The following DMD variants were observed in gnomAD, a reference collection of about 807,000 sequenced individuals.
DMD encodes the protein dystrophin.
Under a neutral mutation model 330.1 loss-of-function variants are expected in DMD, and 63 were observed. The observed-to-expected ratio is 0.19, with a 90% CI of 0.16 to 0.24. The LOEUF is 0.24. Among genes scored for constraint, DMD ranks in the 10% least tolerant of loss-of-function variants. The probability of loss-of-function intolerance (pLI) is 1.00; values close to 1 mark genes in which losing one functional copy is unlikely to be tolerated. For synonymous variants in DMD, 1,223 were observed against 959.8 expected (o/e 1.27, Z -5.07); for missense variants, 3,344 against 2,684.1 (o/e 1.25, Z -5.43).
intron 44 of DMD, among the ~76,000 whole-genome samples, chrX:32,199,912 C>T (rs748299113): frequency 9.2e-6 from 1 of 109,184 alleles, no homozygotes; most frequent in East Asian, 2.9e-4. Flanking sequence ...CCCCAGCTTC[C>T]CAAAGTGCTG....
At chrX:32,787,274 AAGAG>A (rs1445717948) in intron 7 of DMD, among the ~76,000 whole-genome samples, 1 of 87,973 alleles carries the variant, frequency 1.1e-5, no homozygotes, top group Non-Finnish European at 2.3e-5. Context: ...GAGAGAGAGA[AAGAG>A]AGAGAGAACC....
At chrX:32,475,862 C>A (rs1389659641) in intron 21 of DMD, among the ~76,000 whole-genome samples, 1 of 110,565 alleles carries the variant, frequency 9.0e-6, no homozygotes, top group Non-Finnish European at 1.9e-5. Context: ...ATTTGGATGC[C>A]CTTTATTTCT....
At chrX:32,220,645 A>T (rs957134725) in intron 43 of DMD, among the ~76,000 whole-genome samples, 1 of 110,932 alleles carries the variant, frequency 9.0e-6, no homozygotes, top group Admixed American at 9.7e-5. Flanking sequence ...AAATGAAAAA[A>T]ATATATATAT....
chrX:32,558,850 G>A (rs973369287), intron 16 of DMD, among the ~76,000 whole-genome samples: 2 of 109,257 alleles, frequency 1.8e-5, no homozygotes, highest in African/African-American at 3.3e-5. Flanking sequence ...TGATATACAA[G>A]GCCCATTCTC....
At chrX:32,563,381 A>T (rs1039962231) in intron 16 of DMD, among the ~76,000 whole-genome samples, 2 of 108,239 alleles carry the variant, frequency 1.8e-5, no homozygotes, top group Non-Finnish European at 3.8e-5. Context: ...AGAGAACCAC[A>T]AAAAGCCCTC....
intron 1 of DMD, among the ~76,000 whole-genome samples, chrX:33,277,378 A>G (rs908550318): frequency 4.5e-5 from 5 of 111,401 alleles, no homozygotes; most frequent in African/African-American, 1.6e-4. Flanking sequence ...AATGTACGAA[A>G]TGCTATTGAA....
At chrX:32,315,366 C>A (rs765778733) in intron 41 of DMD, among the ~76,000 whole-genome samples, 1 of 108,071 alleles carries the variant, frequency 9.3e-6, no homozygotes, top group Non-Finnish European at 1.9e-5. Context: ...GGCCTGTTGG[C>A]GGGTGGGGGG....
chrX:32,737,094 C>T (rs1351366319), intron 7 of DMD, among the ~76,000 whole-genome samples: 1 of 109,454 alleles, frequency 9.1e-6, no homozygotes, highest in African/African-American at 3.3e-5. Flanking sequence ...ATTATCTTTA[C>T]CAAAAAATAA....
At chrX:32,400,510 T>C (rs193027401) in intron 30 of DMD, among the ~76,000 whole-genome samples, 62 of 111,358 alleles carry the variant, frequency 5.6e-4, no homozygotes, top group African/African-American at 2.0e-3. Flanking sequence ...TTTCTATGGA[T>C]TGGAATAGTT....
At chrX:32,615,653 C>G (rs1380833859) in intron 11 of DMD, among the ~76,000 whole-genome samples, 3 of 111,124 alleles carry the variant, frequency 2.7e-5, no homozygotes, top group African/African-American at 9.8e-5. Flanking sequence ...TGGAAGTTTC[C>G]ATTAATCATC....
At chrX:32,725,975 T>A (rs2066838050) in intron 7 of DMD, among the ~76,000 whole-genome samples, 1 of 110,890 alleles carries the variant, frequency 9.0e-6, no homozygotes, top group Non-Finnish European at 1.9e-5. Context: ...ACATACAAAC[T>A]ATGTACCCAC....
intron 60 of DMD, among the ~76,000 whole-genome samples, chrX:31,411,214 A>C (rs925510995): frequency 4.5e-5 from 5 of 111,250 alleles, no homozygotes; most frequent in African/African-American, 1.6e-4. Flanking sequence ...GTAGTAAAGA[A>C]ACTTCTCTAC....
intron 20 of DMD, among the ~76,000 whole-genome samples, chrX:32,485,701 C>A (rs2042367214): frequency 2.1e-5 from 2 of 93,969 alleles, no homozygotes; most frequent in African/African-American, 3.8e-5. Context: ...TGTATGGTCT[C>A]ATTACTTCTC....
chrX:33,313,538 C>T (rs1029861986), intron 1 of DMD, among the ~76,000 whole-genome samples: 1 of 111,397 alleles, frequency 9.0e-6, no homozygotes, highest in African/African-American at 3.3e-5. Context: ...GCTCAATCTA[C>T]TAAGTAACCA....
rs776352895 is a variant in DMD at position 32,733,457 on chromosome X, T to G, written c.650-34164A>C. ...CTCTCCACCCCAAATCAACAGAATATACATTCTTTTCAGCACCACACCACA... is the reference window on the plus strand; with the variant it reads ...CTCTCCACCCCAAATCAACAGAATAGACATTCTTTTCAGCACCACACCACA... On this transcript the variant is annotated intron_variant, in intron 7 of 78. Coordinates refer to ENST00000357033, the MANE Select transcript of DMD (RefSeq NM_004006.3). Among the ~76,000 whole-genome samples the G allele has an allele frequency of 1.1e-4, 12 of 110,732 alleles. No homozygotes were observed. In the South Asian group the frequency reaches 2.3e-3, roughly 21 times the overall value.
intron 7 of DMD, among the ~76,000 whole-genome samples, chrX:32,708,238 T>C (rs896254080): frequency 5.6e-4 from 62 of 110,944 alleles, no homozygotes; most frequent in African/African-American, 1.9e-3. Flanking sequence ...TGGGGCAAAT[T>C]ACTCAATGAT....
At chrX:31,440,765 T>C (rs901282644) in intron 60 of DMD, among the ~76,000 whole-genome samples, 1 of 112,537 alleles carries the variant, frequency 8.9e-6, no homozygotes, top group Admixed American at 9.4e-5. Flanking sequence ...AATAGTAACA[T>C]GCATACCAAT....
At chrX:32,320,690 T>A (rs941489896) in intron 41 of DMD, among the ~76,000 whole-genome samples, 1 of 112,135 alleles carries the variant, frequency 8.9e-6, no homozygotes. Context: ...AGTTACCTAA[T>A]GAGCACTCAA....
intron 1 of DMD, among the ~76,000 whole-genome samples, chrX:33,035,604 T>G (rs1188492465): frequency 8.9e-6 from 1 of 112,041 alleles, no homozygotes; most frequent in East Asian, 2.8e-4. Context: ...CAGAAAGATT[T>G]GTTTGCTACC....
Sources: gnomAD v4.1 joint callset for allele counts (sites outside exome capture counted in the v4.1 genomes callset) on GRCh38, gnomAD v4.1.1 for gene constraint, MANE v1.5 for transcripts, NCBI Gene and HGNC (gene_info 2026-07-23, HGNC 2026-07-21) for gene names.